Variants in KDM4B observed in about 807,000 individuals in gnomAD.
KDM4B encodes lysine demethylase 4B.
Under a neutral mutation model 125.2 loss-of-function variants are expected in KDM4B, and 32 were observed. That is an observed-to-expected ratio of 0.26 (90% CI 0.19 to 0.34). The LOEUF (loss-of-function observed/expected upper bound fraction) is 0.34. KDM4B is among the 10% of genes least tolerant of loss of function. KDM4B has a pLI of 1.00. For missense variants in KDM4B, 1,190 were observed against 1,577.7 expected (o/e 0.75, Z 4.16); for synonymous variants, 721 against 677.9 (o/e 1.06, Z -0.99).
chr19:4,980,979 G>T (rs556421004), intron 1 of KDM4B, among the ~76,000 whole-genome samples: 1 of 152,126 alleles, frequency 6.6e-6, no homozygotes, highest in South Asian at 2.1e-4. Context: ...GCGGATGCTG[G>T]GCTGCGGCTA....
chr19:5,013,669 T>C (rs537198145), intron 1 of KDM4B, among the ~76,000 whole-genome samples: 1 of 152,314 alleles, frequency 6.6e-6, no homozygotes, highest in South Asian at 2.1e-4. Flanking sequence ...TCTCACCCTC[T>C]GGCCTCCTCC....
In KDM4B at chr19:5,133,965, G is replaced by T. The variant is rs1254771978; in HGVS notation, c.1989G>T (p.Arg663Ser). The change falls in exon 14 of 23, where the codon AGG becomes AGT. Residue 663 changes from arginine (R) to serine (S), a missense_variant. By Grantham distance (110) the Arg-to-Ser change is moderately radical. Around this residue, in one of 7 missense-constraint regions of KDM4B, gnomAD observed 128 missense variants for 137.8 expected, o/e 0.93. Transcript: ENST00000159111. ...RPLLSLQWKN[R>S]AASFQAERKF... ...TGCTGTCTCTGCAGTGGAAGAACAG[G>T]GCGGCCAGCTTCCAGGCCGAGAGGA... 6.2e-7 allele frequency: 1 copy of T among 1,612,904 alleles called. No individual in the cohort carries two copies. Among genetic ancestry groups the T allele is most frequent in the Non-Finnish European group, 8.5e-7 (1 of 1,179,952 alleles).
At chr19:5,119,932 T>C (rs1599226618) in intron 11 of KDM4B, 80 bp downstream of exon 11, 3 of 1,466,022 alleles carry the variant, frequency 2.0e-6, no homozygotes, top group Non-Finnish European at 2.7e-6. Context: ...CAGTGCCTGC[T>C]ACAGCCAGAG....
chr19:5,082,520 C>T lies in KDM4B; in HGVS notation c.918+16C>T. On this transcript the variant is annotated intron_variant, in intron 9 of 22. Coordinates refer to ENST00000159111, the MANE Select transcript of KDM4B (RefSeq NM_015015.3). This position sits in a 1 kb window ranked among gnomAD's most constrained non-coding sequence, Gnocchi z 5.4. ...GGCCACTCAGGTAAAAGCTTGCCTG[C>T]TGGGAACGGGTCCCAGCAGGGCGGG... 1 of 1,579,050 alleles carries T rather than the reference C, an allele frequency of 6.3e-7. No homozygotes were observed.
intron 5 of KDM4B, 101 bp downstream of exon 5, chr19:5,041,352 G>A (rs1356619392): frequency 1.0e-5 from 9 of 874,234 alleles, no homozygotes; most frequent in East Asian, 2.6e-5. Flanking sequence ...AAGCTTCCAG[G>A]CAGGCAAGGT....
intron 6 of KDM4B, among the ~76,000 whole-genome samples, chr19:5,067,078 C>G (rs1281148599): frequency 6.6e-6 from 1 of 152,158 alleles, no homozygotes; most frequent in East Asian, 1.9e-4. Context: ...CCTGAGGGAC[C>G]TGTGCAGGCC....
intron 6 of KDM4B, among the ~76,000 whole-genome samples, chr19:5,062,779 T>G (rs886334926): frequency 1.5e-5 from 2 of 129,810 alleles, no homozygotes; most frequent in Admixed American, 1.5e-4. Context: ...TAAACTGTTT[T>G]TTTTTTTTTT....
intron 6 of KDM4B, among the ~76,000 whole-genome samples, chr19:5,067,478 G>A (rs1014306024): frequency 1.6e-4 from 24 of 152,220 alleles, no homozygotes; most frequent in Non-Finnish European, 2.9e-5. Context: ...TCTGAAGATG[G>A]TAGAAGGGAG....
At chr19:5,143,440 C>T (rs2039780670) in intron 18 of KDM4B, among the ~76,000 whole-genome samples, 1 of 152,168 alleles carries the variant, frequency 6.6e-6, no homozygotes, top group Non-Finnish European at 1.5e-5. Context: ...TTCATCACCC[C>T]ATGAAGAATG....
chr19:5,091,671 T>TA (rs1159370657), intron 9 of KDM4B, among the ~76,000 whole-genome samples: 2 of 150,900 alleles, frequency 1.3e-5, no homozygotes, highest in African/African-American at 2.4e-5. Context: ...TTCTGTTTGG[T>TA]AATGAGGCTG....
intron 1 of KDM4B, 110 bp from the exon 2 acceptor site, chr19:5,016,147 A>ATT (rs2035886130): frequency 6.6e-6 from 1 of 152,276 alleles, no homozygotes; most frequent in Non-Finnish European, 1.5e-5. Context: ...GAAAATCTGA[A>ATT]TAAAGGCAAG....
At chr19:5,133,381 T>G (rs1364959642) in intron 13 of KDM4B, among the ~76,000 whole-genome samples, 1 of 152,144 alleles carries the variant, frequency 6.6e-6, no homozygotes, top group Non-Finnish European at 1.5e-5. Context: ...GCACCTCCCT[T>G]GAGTTCAGTG....
At chr19:5,010,074 A>G (rs891968234) in intron 1 of KDM4B, among the ~76,000 whole-genome samples, 1 of 152,142 alleles carries the variant, frequency 6.6e-6, no homozygotes, top group African/African-American at 2.4e-5. Flanking sequence ...TGTCCCACCA[A>G]TGTCCCTTTC....
At chr19:5,136,688 C>T (rs759154087) in intron 15 of KDM4B, among the ~76,000 whole-genome samples, 19 of 152,294 alleles carry the variant, frequency 1.2e-4, no homozygotes, top group Admixed American at 3.3e-4. Flanking sequence ...GTGAGGTCCC[C>T]GCCCCCAGCC....
chr19:5,149,602 G>T (rs1401079611), intron 21 of KDM4B, among the ~76,000 whole-genome samples: 2 of 152,244 alleles, frequency 1.3e-5, no homozygotes, highest in Non-Finnish European at 2.9e-5. Context: ...GCCCATCGCA[G>T]TTATGAGGTG....
At chr19:5,088,443 C>T (rs1326726362) in intron 9 of KDM4B, among the ~76,000 whole-genome samples, 1 of 152,248 alleles carries the variant, frequency 6.6e-6, no homozygotes, top group African/African-American at 2.4e-5. Context: ...ACTCCCCTGG[C>T]CCCTAGAGCT....
At chr19:5,050,530 G>A (rs1279554951) in intron 6 of KDM4B, among the ~76,000 whole-genome samples, 14 of 152,234 alleles carry the variant, frequency 9.2e-5, no homozygotes, top group Admixed American at 8.5e-4. Flanking sequence ...GGGTGGGGTG[G>A]TGGCCTGGGG....
chr19:5,090,054 A>G (rs1014928009), intron 9 of KDM4B, among the ~76,000 whole-genome samples: 20 of 152,246 alleles, frequency 1.3e-4, no homozygotes, highest in African/African-American at 4.6e-4. Context: ...AAGACCCCCA[A>G]AGCCTGGCCC....
rs780702092 is a variant in KDM4B at position 5,047,708 on chromosome 19, G to A, written c.626+39G>A. The A allele has an allele frequency of 8.8e-6, 14 of 1,594,400 alleles. No individual in the cohort carries two copies. In the South Asian group the frequency reaches 1.3e-4, roughly 15 times the overall value. On this transcript the variant is annotated intron_variant, in intron 6 of 22. Coordinates refer to ENST00000159111, the MANE Select transcript of KDM4B (RefSeq NM_015015.3). ...CTGGCCCTGCCGCCGGCCGGACCGA[G>A]AGCCCCTCGGGAGGGAGTCAATCCC...
Sources: gnomAD v4.1 joint callset for allele counts (sites outside exome capture counted in the v4.1 genomes callset) on GRCh38, gnomAD v4.1.1 for gene constraint, gnomAD v4.1.1 regional missense constraint, Gnocchi (gnomAD v3.1) non-coding constraint, MANE v1.5 for transcripts, NCBI Gene and HGNC (gene_info 2026-07-23, HGNC 2026-07-21) for gene names.